Variants in TTC28 observed in about 807,000 individuals in gnomAD.
TTC28 encodes the protein tetratricopeptide repeat protein 28.
TTC28 carries 61 observed loss-of-function variants against 198.0 expected under a neutral mutation model. The observed-to-expected ratio is 0.31, with a 90% confidence interval of 0.25 to 0.38. The LOEUF (loss-of-function observed/expected upper bound fraction) is 0.38, where lower values mean the gene tolerates loss of function less well. TTC28 is among the 10% of genes least tolerant of loss of function. The pLI, the probability that TTC28 is intolerant of heterozygous loss-of-function variation, is 1.00. For missense variants in TTC28, 2,678 were observed against 3,164.0 expected (o/e 0.85, Z 3.69); for synonymous variants, 1,171 against 1,297.8 (o/e 0.90, Z 2.10).
intron 2 of TTC28, among the ~76,000 whole-genome samples, chr22:28,510,954 G>A (rs11912384): frequency 2.0e-4 from 30 of 152,108 alleles, no homozygotes; most frequent in African/African-American, 6.5e-4. Context: ...AACAAGAGAG[G>A]CGAAGGACCT....
chr22:28,674,025 CAT>C (rs1221972283), intron 1 of TTC28, among the ~76,000 whole-genome samples: 1 of 152,086 alleles, frequency 6.6e-6, no homozygotes, highest in African/African-American at 2.4e-5. Context: ...AAACAAGAAT[CAT>C]AGAGTAAAAA....
intron 2 of TTC28, among the ~76,000 whole-genome samples, chr22:28,610,910 G>A (rs2050807682): frequency 6.6e-6 from 1 of 151,980 alleles, no homozygotes; most frequent in African/African-American, 2.4e-5. Context: ...CACAGCATGA[G>A]AACTTCATGA....
At chr22:28,132,493 C>A (rs1290415801) in intron 6 of TTC28, among the ~76,000 whole-genome samples, 1 of 152,090 alleles carries the variant, frequency 6.6e-6, no homozygotes, top group Admixed American at 6.5e-5. Context: ...CAAAAAGCCT[C>A]CCAAAACATT....
At chr22:28,369,917 T>C (rs1342485908) in intron 2 of TTC28, among the ~76,000 whole-genome samples, 1 of 152,212 alleles carries the variant, frequency 6.6e-6, no homozygotes, top group Non-Finnish European at 1.5e-5. Flanking sequence ...GAATCCTATC[T>C]GTAAATCAAA....
At chr22:28,535,071 A>T (rs1052031149) in intron 2 of TTC28, among the ~76,000 whole-genome samples, 4 of 152,154 alleles carry the variant, frequency 2.6e-5, no homozygotes, top group Admixed American at 6.6e-5. Context: ...ATAATAATAA[A>T]AAAAAGAAAG....
At chr22:28,201,751 C>CAAAAAAAAAAAAAAAAAAAAA (rs34790960) in intron 5 of TTC28, among the ~76,000 whole-genome samples, 7 of 81,006 alleles carry the variant, frequency 8.6e-5, no homozygotes, top group African/African-American at 3.5e-4. Flanking sequence ...TTACAGAAAG[C>CAAAAAAAAAAAAAAAAAAAAA]AAAAAAAAAA....
chr22:28,569,981 T>C (rs1223038640), intron 2 of TTC28, among the ~76,000 whole-genome samples: 3 of 152,076 alleles, frequency 2.0e-5, no homozygotes, highest in Non-Finnish European at 4.4e-5. Context: ...ATTAGAGAAA[T>C]GCAAATCAAA....
chr22:28,258,074 T>C (rs1384319058), intron 5 of TTC28, among the ~76,000 whole-genome samples: 1 of 152,078 alleles, frequency 6.6e-6, no homozygotes, highest in Non-Finnish European at 1.5e-5. Flanking sequence ...AGAAACCAAC[T>C]ATAATTTTAT....
At chr22:28,412,664 G>C (rs2047099719) in intron 2 of TTC28, among the ~76,000 whole-genome samples, 1 of 152,092 alleles carries the variant, frequency 6.6e-6, no homozygotes, top group African/African-American at 2.4e-5. Context: ...TCCTCCTTTA[G>C]TGCCAGCTCT....
intron 2 of TTC28, among the ~76,000 whole-genome samples, chr22:28,345,440 T>G (rs1444810223): frequency 6.6e-6 from 1 of 152,154 alleles, no homozygotes; most frequent in East Asian, 1.9e-4. Flanking sequence ...CCTCCTTTTT[T>G]CCCATTCCCT....
At chr22:28,269,255 T>C (rs1931892350) in intron 5 of TTC28, among the ~76,000 whole-genome samples, 1 of 152,176 alleles carries the variant, frequency 6.6e-6, no homozygotes, top group South Asian at 2.1e-4. Flanking sequence ...CAGTGGTCTT[T>C]GGAAGCTAAG....
chr22:28,063,779 G>C (rs1362025471), intron 12 of TTC28, among the ~76,000 whole-genome samples: 1 of 152,106 alleles, frequency 6.6e-6, no homozygotes, highest in Non-Finnish European at 1.5e-5. Context: ...TCTCTGTAGT[G>C]AGAAGGCATC....
At chr22:28,387,719 A>G (rs1408553313) in intron 2 of TTC28, among the ~76,000 whole-genome samples, 1 of 152,134 alleles carries the variant, frequency 6.6e-6, no homozygotes, top group East Asian at 1.9e-4. Flanking sequence ...AATTTGTTTG[A>G]GGTCATTGTA....
intron 2 of TTC28, among the ~76,000 whole-genome samples, chr22:28,403,391 G>A (rs538681558): frequency 2.0e-5 from 3 of 152,292 alleles, no homozygotes; most frequent in African/African-American, 7.2e-5. Context: ...GTGGCTTAGA[G>A]AATGGGCAGG....
At chr22:28,112,540 G>A (rs775521861) in intron 6 of TTC28, among the ~76,000 whole-genome samples, 5 of 152,158 alleles carry the variant, frequency 3.3e-5, no homozygotes, top group East Asian at 3.9e-4. Context: ...GGATGAGGCC[G>A]AACTGGGAAT....
chr22:28,281,089 C>T, intron 5 of TTC28, among the ~76,000 whole-genome samples: 1 of 151,982 alleles, frequency 6.6e-6, no homozygotes, highest in East Asian at 1.9e-4. Context: ...TGTATTTATG[C>T]TGTTTGAGAG....
At chr22:28,216,758 G>T (rs115012138) in intron 5 of TTC28, among the ~76,000 whole-genome samples, 314 of 152,152 alleles carry the variant, frequency 2.1e-3, no homozygotes, top group African/African-American at 7.2e-3. Flanking sequence ...GTCTCACTCT[G>T]TCACCCAGAC....
chr22:28,621,759 AAAAGAAAGAAAG>A lies in TTC28; in HGVS notation c.381+7781_381+7792del, dbSNP rs914417906. On this transcript the variant is annotated intron_variant, in intron 2 of 22. Transcript: ENST00000397906. The stretch of plus-strand genomic sequence containing the variant: ...CTGTCTCTTAAAAAAAAAAAAAAAA[AAAAGAAAGAAAG>A]AAAGAAAAGAAAAGAAAAAGAGTAT... Among the ~76,000 whole-genome samples, 4 of 144,766 alleles carry A rather than the reference AAAAGAAAGAAAG, an allele frequency of 2.8e-5. No homozygotes were observed. In the East Asian group the frequency reaches 7.7e-4, roughly 28 times the overall value. 95.0% of individuals were successfully genotyped at this position (144,766 alleles called of 152,430 possible).
Position 27,982,351 on chromosome 22 carries a change from G to A in TTC28, c.7316C>T (p.Thr2439Ile). The change falls in exon 23 of 23, where the codon ACC (threonine) becomes ATC (isoleucine). Residue 2439 changes from threonine (T) to isoleucine (I), a missense_variant. This residue lies in a region of TTC28 where 622 missense variants were observed against 656.0 expected (regional missense o/e 0.95). Transcript: ENST00000397906. The surrounding 1 kb of genome is among the most constrained non-coding windows in gnomAD (Gnocchi z 5.2). The stretch of plus-strand genomic sequence containing the variant: ...GGGCAGCGGCAGTGAGCCCAGCGAG[G>A]TGGTCTCGGTGCGCCAGTGTCCGTT... ...PPNGHWRTET[T>I]SLGSLPLPAG... 6.5e-7 allele frequency: 1 copy of A among 1,547,712 alleles called. No individual in the cohort carries two copies. The highest frequency in any genetic ancestry group is 8.7e-7 in the Non-Finnish European group (1 of 1,144,550).
Sources: allele counts gnomAD v4.1 joint callset (sites outside exome capture counted in the v4.1 genomes callset), GRCh38; gene constraint gnomAD v4.1.1; regional missense constraint gnomAD v4.1.1; non-coding constraint Gnocchi (gnomAD v3.1); transcripts MANE v1.5; gene names NCBI Gene and HGNC (gene_info 2026-07-23, HGNC 2026-07-21).